GABRB3: variants seen among roughly 807,000 people sequenced by gnomAD.
The protein encoded by GABRB3 is gamma-aminobutyric acid type A receptor subunit beta3.
GABRB3 carries 14 observed loss-of-function variants against 52.1 expected under a neutral mutation model. The ratio of observed to expected loss-of-function variants is 0.27; its 90% CI spans 0.18 to 0.42. The LOEUF (loss-of-function observed/expected upper bound fraction) is 0.42. GABRB3 is among the 10% of genes least tolerant of loss of function. The probability of loss-of-function intolerance (pLI) is 1.00; values close to 1 mark genes in which losing one functional copy is unlikely to be tolerated. For synonymous variants in GABRB3, 260 were observed against 232.3 expected, an observed-to-expected ratio of 1.12 and a Z score of -1.08; for missense variants, 307 against 609.1, an observed-to-expected ratio of 0.50 and a Z score of 5.22.
chr15:26,705,509 T>C (rs1465954033), intron 3 of GABRB3, among the ~76,000 whole-genome samples: 2 of 152,176 alleles, frequency 1.3e-5, no homozygotes, highest in African/African-American at 2.4e-5. Context: ...CATATATCTA[T>C]ATAATGAAAC....
intron 3 of GABRB3, among the ~76,000 whole-genome samples, chr15:26,669,234 T>C (rs1887810538): frequency 6.6e-6 from 1 of 152,192 alleles, no homozygotes. Flanking sequence ...AGGAATTTTA[T>C]CTCTTTCGTT....
rs75097732 is a variant in GABRB3 at position 26,753,234 on chromosome 15, C to T, written c.240+19168G>A. On this transcript the variant is annotated intron_variant, in intron 3 of 8. Transcript: ENST00000311550. ...GACACTGGCTCCAGTTACCCCTTCA[C>T]GACACACATCAAGCGGGCACTGTAG... Among the ~76,000 whole-genome samples, 1,510 of 152,188 alleles carry T rather than the reference C, an allele frequency of 9.9e-3. 34 individuals are homozygous for T. Among genetic ancestry groups the T allele is most frequent in the African/African-American group, 0.034 (1,427 of 41,526 alleles).
intron 3 of GABRB3, among the ~76,000 whole-genome samples, chr15:26,663,614 A>G (rs1887615392): frequency 6.6e-6 from 1 of 152,274 alleles, no homozygotes; most frequent in Admixed American, 6.5e-5. Context: ...ATGTGAGTTT[A>G]TCGGAAAGCA....
At chr15:26,553,042 T>C (rs994438073) in intron 8 of GABRB3, among the ~76,000 whole-genome samples, 70 of 152,364 alleles carry the variant, frequency 4.6e-4, no homozygotes, top group African/African-American at 1.7e-3. Context: ...TATTAGAATG[T>C]CCAGCATCTT....
intron 3 of GABRB3, among the ~76,000 whole-genome samples, chr15:26,672,210 G>A (rs1887920434): frequency 6.6e-6 from 1 of 152,148 alleles, no homozygotes. Context: ...AACGCAGGAA[G>A]AAACTTTCTC....
At chr15:26,585,437 A>T (rs1366018107) in intron 4 of GABRB3, among the ~76,000 whole-genome samples, 2 of 152,164 alleles carry the variant, frequency 1.3e-5, no homozygotes, top group Non-Finnish European at 2.9e-5. Flanking sequence ...ACACCTGTAA[A>T]ACACTAGACA....
intron 4 of GABRB3, chr15:26,615,952 G>A (rs1325239780): frequency 7.8e-7 from 1 of 1,288,878 alleles, no homozygotes; most frequent in Admixed American, 2.3e-5. Flanking sequence ...TACTTTACAA[G>A]CAGGAACAGC....
At chr15:26,728,530 C>T (rs1407627160) in intron 3 of GABRB3, among the ~76,000 whole-genome samples, 2 of 152,190 alleles carry the variant, frequency 1.3e-5, no homozygotes, top group African/African-American at 4.8e-5. Context: ...GAAGGGTGGG[C>T]TAGCTCCAGG....
intron 8 of GABRB3, among the ~76,000 whole-genome samples, chr15:26,555,054 G>A (rs965562073): frequency 6.6e-6 from 1 of 152,070 alleles, no homozygotes; most frequent in Non-Finnish European, 1.5e-5. Context: ...TGTGGTGGCA[G>A]GTGCCTGTAG....
intron 8 of GABRB3, chr15:26,557,760 A>G (rs1889810021): frequency 1.3e-5 from 2 of 152,232 alleles, no homozygotes; most frequent in African/African-American, 2.4e-5. Context: ...GATTGCCGAG[A>G]AAACAGAGAA....
chr15:26,554,106 GTATA>G (rs59076608), intron 8 of GABRB3, among the ~76,000 whole-genome samples: 1 of 65,382 alleles, frequency 1.5e-5, no homozygotes, highest in Non-Finnish European at 2.7e-5. Context: ...TAAAGTGTGT[GTATA>G]TATATAAAGT....
At chr15:26,759,352 G>T (rs994956262) in intron 3 of GABRB3, among the ~76,000 whole-genome samples, 2 of 152,098 alleles carry the variant, frequency 1.3e-5, no homozygotes, top group African/African-American at 4.8e-5. Flanking sequence ...CCTCCCGGGT[G>T]CCAGTTCAAG....
At chr15:26,627,064 C>T (rs562430266) in intron 3 of GABRB3, among the ~76,000 whole-genome samples, 2 of 152,258 alleles carry the variant, frequency 1.3e-5, no homozygotes, top group South Asian at 2.1e-4. Context: ...GAAGCCAATG[C>T]TCACCCACCA....
Position 26,622,286 on chromosome 15 carries a change from T to C in GABRB3, c.241-752A>G, listed in dbSNP as rs143151601. ...CCACGTGATGGTTCTGCTTTCGTTT[T>C]GCCAAAGCAGTTAGTTTATCGAGAA... On this transcript the variant is annotated intron_variant, in intron 3 of 8. Coordinates refer to ENST00000311550, the MANE Select transcript of GABRB3 (RefSeq NM_000814.6). Among the ~76,000 whole-genome samples, 274 of 152,276 alleles carry C rather than the reference T, an allele frequency of 1.8e-3. 6 individuals carry two copies. In the East Asian group the frequency reaches 0.035, roughly 19 times the overall value.
At position 26,621,638 on chromosome 15, in the gene GABRB3, TAACCAGGAGA is replaced by T; in HGVS notation, c.241-114_241-105del. ...GTTGCAATCTAGGCTCTACAGTGAA[TAACCAGGAGA>T]AACGGATGCCATTTTTATGCAGAAT... On this transcript the variant is annotated intron_variant, in intron 3 of 8. Transcript: ENST00000311550. This position sits in a 1 kb window ranked among gnomAD's most constrained non-coding sequence, Gnocchi z 4.1. 1 of 847,154 alleles carries T rather than the reference TAACCAGGAGA, an allele frequency of 1.2e-6. No homozygotes were observed. The highest frequency in any genetic ancestry group is 1.5e-5 in the South Asian group (1 of 65,874). The allele number at this position is 847,154 out of a possible 1,614,324, so 52.5% of individuals were successfully genotyped here.
At chr15:26,721,675 T>A (rs57185857) in intron 3 of GABRB3, among the ~76,000 whole-genome samples, 3,414 of 151,822 alleles carry the variant, frequency 0.022, 121 homozygotes, top group African/African-American at 0.079. Flanking sequence ...AAATTATTTG[T>A]CCACTCCTGC....
intron 3 of GABRB3, among the ~76,000 whole-genome samples, chr15:26,681,287 A>G (rs1888231844): frequency 6.6e-6 from 1 of 152,206 alleles, no homozygotes; most frequent in Non-Finnish European, 1.5e-5. Context: ...CTCAGGGAGA[A>G]AATCAATGCA....
intron 4 of GABRB3, among the ~76,000 whole-genome samples, chr15:26,610,436 G>C (rs1200972386): frequency 1.3e-5 from 2 of 152,176 alleles, no homozygotes. Flanking sequence ...TCATAAATGT[G>C]TTGGTTGTTG....
At chr15:26,647,019 A>G (rs951044257) in intron 3 of GABRB3, among the ~76,000 whole-genome samples, 1 of 151,842 alleles carries the variant, frequency 6.6e-6, no homozygotes, top group African/African-American at 2.4e-5. Context: ...AATTTTTTGT[A>G]TTTTTAGTAT....
Sources: gnomAD v4.1 joint callset for allele counts (sites outside exome capture counted in the v4.1 genomes callset) on GRCh38, gnomAD v4.1.1 for gene constraint, Gnocchi (gnomAD v3.1) non-coding constraint, MANE v1.5 for transcripts, NCBI Gene and HGNC (gene_info 2026-07-23, HGNC 2026-07-21) for gene names.